SMARCA1: variants seen among roughly 807,000 people sequenced by gnomAD.
SMARCA1 encodes SWI/SNF-related matrix-associated actin-dependent regulator of chromatin subfamily A member 1.
A neutral mutation model predicts 93.6 loss-of-function variants in SMARCA1; 17 were observed. The ratio of observed to expected loss-of-function variants is 0.18; its 90% CI spans 0.12 to 0.27. The LOEUF is 0.27. Ranked by LOEUF, SMARCA1 falls within the 10% of genes least tolerant of loss-of-function variation. SMARCA1 has a pLI of 1.00. For missense variants in SMARCA1, 630 were observed against 819.0 expected (o/e 0.77, Z 2.82); for synonymous variants, 271 against 271.4 (o/e 1.00, Z 0.01).
intron 19 of SMARCA1, among the ~76,000 whole-genome samples, chrX:129,471,738 A>G (rs1933134091): frequency 8.9e-6 from 1 of 112,485 alleles, no homozygotes; most frequent in African/African-American, 3.2e-5. Flanking sequence ...TGATCAGTTC[A>G]ACATGCAAAA....
intron 19 of SMARCA1, among the ~76,000 whole-genome samples, chrX:129,479,381 C>T (rs1569434064): frequency 9.1e-6 from 1 of 110,219 alleles, no homozygotes; most frequent in South Asian, 3.8e-4. Flanking sequence ...TATAACTTAC[C>T]TGTTTCTTCT....
At chrX:129,447,964 C>T (rs1364488361) in intron 24 of SMARCA1, among the ~76,000 whole-genome samples, 1 of 111,467 alleles carries the variant, frequency 9.0e-6, no homozygotes, top group African/African-American at 3.3e-5. Context: ...AGAAAACTTA[C>T]TTGATCAAAT....
intron 15 of SMARCA1, 45 bp downstream of exon 15, chrX:129,490,015 T>C (rs1434863669): frequency 4.1e-6 from 4 of 987,339 alleles, no homozygotes; most frequent in South Asian, 2.3e-5. Flanking sequence ...GAAAACTACA[T>C]GTGTTTTACA....
At chrX:129,518,570 C>T (rs1456357201) in intron 1 of SMARCA1, 123 bp from the exon 2 acceptor site, 2 of 397,237 alleles carry the variant, frequency 5.0e-6, no homozygotes, top group African/African-American at 5.1e-5. Context: ...CAATGTGGGA[C>T]ATGTATGGAC....
At chrX:129,498,692 A>G (rs1934432656) in intron 10 of SMARCA1, among the ~76,000 whole-genome samples, 1 of 111,830 alleles carries the variant, frequency 8.9e-6, no homozygotes, top group Admixed American at 9.6e-5. Flanking sequence ...AAGTTAAACA[A>G]CTTACTCAGG....
At chrX:129,516,027 G>T in intron 3 of SMARCA1, 33 bp from the exon 4 acceptor site, 1 of 995,648 alleles carries the variant, frequency 1.0e-6, no homozygotes, top group Non-Finnish European at 1.4e-6. Context: ...CTTCATATTC[G>T]ACCTAAATGA....
intron 17 of SMARCA1, among the ~76,000 whole-genome samples, chrX:129,481,709 T>C (rs1422455922): frequency 9.0e-6 from 1 of 111,277 alleles, no homozygotes; most frequent in East Asian, 2.8e-4. Context: ...TGTGGGGAAA[T>C]AGGAACACTT....
At chrX:129,479,799 G>A (rs1933566524) in intron 19 of SMARCA1, among the ~76,000 whole-genome samples, 1 of 110,052 alleles carries the variant, frequency 9.1e-6, no homozygotes, top group Admixed American at 9.8e-5. Flanking sequence ...CCAGGATCAA[G>A]CGATTCTCCT....
In SMARCA1 at chrX:129,507,952, C is replaced by T. The variant is rs964072317; in HGVS notation, c.955G>A (p.Glu319Lys). ...VIDEAHRIKN[E>K]KSKLSEIVRE... ...TATTGATAACTTACCTTAGATTTTT[C>T]ATTCTTTATTCTGTGAGCTTCATCA... The change falls in exon 7 of 25, where the codon GAA becomes AAA. Residue 319 changes from glutamate (E) to lysine (K), a missense_variant. Transcript: ENST00000371121. 6 of 1,143,127 alleles carry T rather than the reference C, an allele frequency of 5.2e-6. No individual in the cohort carries two copies. The highest frequency in any genetic ancestry group is 2.1e-5 in the South Asian group (1 of 48,266). 94.2% of individuals were successfully genotyped at this position (1,143,127 alleles called of 1,213,427 possible).
chrX:129,496,939 T>C lies in SMARCA1; in HGVS notation c.1505-68A>G, dbSNP rs1934351338. ...TGAAACTAACTTAAAAGCTACAAAA[T>C]AAACATATGCAACATAAATGTAGAG... On this transcript the variant is annotated intron_variant, in intron 11 of 24. Transcript: ENST00000371121. The C allele has an allele frequency of 1.5e-5, 15 of 992,406 alleles. No individual in the cohort carries two copies. The Admixed American group carries it at 3.7e-4, about 24-fold the overall frequency. The allele number at this position is 992,406 out of a possible 1,213,427, so 81.8% of individuals were successfully genotyped here.
In SMARCA1 at chrX:129,523,283, C is replaced by A; in HGVS notation, c.88G>T (p.Gly30Trp). 8.3e-7 allele frequency: 1 copy of A among 1,209,007 alleles called. No homozygotes were observed. The highest frequency in any genetic ancestry group is 2.2e-5 in the Admixed American group (1 of 45,962). The stretch of plus-strand genomic sequence containing the variant: ...CCCTCCTCCTGAGAGGTGGACGGCC[C>A]GGGCTGCTCGTCCTCTATGACCACG... ...TIVVIEDEQP[G>W]PSTSQEEGAA... Residue 30 changes from glycine to tryptophan, a missense_variant, in exon 1 of 25, where the codon GGG (glycine) becomes TGG (tryptophan). Physicochemically the swap from Gly to Trp is radical, Grantham distance 184 (BLOSUM62 -2). Around this residue, in one of 4 missense-constraint regions of SMARCA1, gnomAD observed 103 missense variants for 82.0 expected, o/e 1.26. Coordinates refer to ENST00000371121, the MANE Select transcript of SMARCA1 (RefSeq NM_001282874.2).
chrX:129,471,490 T>C (rs767234598), intron 19 of SMARCA1, among the ~76,000 whole-genome samples, 164 bp from the exon 20 acceptor site: 18 of 112,479 alleles, frequency 1.6e-4, no homozygotes, highest in African/African-American at 5.8e-4. Flanking sequence ...CATGATCCTA[T>C]TGAAGTAAAA....
At chrX:129,500,079 A>C (rs1048219741) in intron 9 of SMARCA1, among the ~76,000 whole-genome samples, 1 of 109,866 alleles carries the variant, frequency 9.1e-6, no homozygotes, top group African/African-American at 3.3e-5. Context: ...TGAAAAATTA[A>C]GACAACAAGA....
intron 17 of SMARCA1, among the ~76,000 whole-genome samples, chrX:129,484,325 A>G (rs1814999169): frequency 1.8e-5 from 2 of 111,899 alleles, no homozygotes; most frequent in Admixed American, 1.9e-4. Flanking sequence ...CATATTAGAA[A>G]GGCAATTTCC....
intron 23 of SMARCA1, among the ~76,000 whole-genome samples, chrX:129,459,851 CA>C (rs200086246): frequency 0.017 from 1,933 of 111,788 alleles, 45 homozygotes; most frequent in African/African-American, 0.059. Flanking sequence ...TCTTTAAATA[CA>C]ACTATTAATA....
chrX:129,494,885 A>G (rs1730236829), intron 12 of SMARCA1, among the ~76,000 whole-genome samples: 1 of 112,498 alleles, frequency 8.9e-6, no homozygotes, highest in Admixed American at 9.4e-5. Flanking sequence ...CCACTATACC[A>G]TAAAACCATG....
intron 9 of SMARCA1, among the ~76,000 whole-genome samples, 179 bp downstream of exon 9, chrX:129,504,549 TAAAAAA>T (rs780225300): frequency 6.2e-4 from 15 of 24,207 alleles, no homozygotes; most frequent in African/African-American, 1.3e-3. Context: ...CATAGAGGAA[TAAAAAA>T]AAAAAAAAAA....
Position 129,483,808 on chromosome X carries a change from A to G in SMARCA1, c.2218-2623T>C, listed in dbSNP as rs189401189. 2.7e-5 allele frequency among the ~76,000 whole-genome samples: 3 copies of G among 112,400 alleles called. No homozygotes were observed. The East Asian group carries it at 8.3e-4, about 31-fold the overall frequency. On this transcript the variant is annotated intron_variant, in intron 17 of 24. Transcript: ENST00000371121. ...GCCATCATGATTTAATTTACCAGGTATGGTTGTAAAAGTAATGCAACTGAT... is the reference window on the plus strand; with the variant it reads ...GCCATCATGATTTAATTTACCAGGTGTGGTTGTAAAAGTAATGCAACTGAT...
chrX:129,502,469 A>G (rs1602714527), intron 9 of SMARCA1, among the ~76,000 whole-genome samples: 1 of 111,849 alleles, frequency 8.9e-6, no homozygotes, highest in Non-Finnish European at 1.9e-5. Context: ...CTTCAAAGCA[A>G]TAGCCAAGAT....
Sources: allele counts gnomAD v4.1 joint callset (sites outside exome capture counted in the v4.1 genomes callset), GRCh38; gene constraint gnomAD v4.1.1; regional missense constraint gnomAD v4.1.1; transcripts MANE v1.5; gene names NCBI Gene and HGNC (gene_info 2026-07-23, HGNC 2026-07-21).